The following TOX2 variants were observed in gnomAD, a reference collection of about 807,000 sequenced individuals.
The protein encoded by TOX2 is TOX high mobility group box family member 2, also known as granulosa cell HMG box 1.
In TOX2, 15 loss-of-function variants were observed where a neutral mutation model predicts 47.4. The observed-to-expected ratio is 0.32, with a 90% CI of 0.21 to 0.49. The LOEUF is 0.49. TOX2 is among the 20% of genes least tolerant of loss of function. The probability of loss-of-function intolerance (pLI) is 0.99; values close to 1 mark genes in which losing one functional copy is unlikely to be tolerated. For synonymous variants in TOX2, 290 were observed against 296.6 expected, an observed-to-expected ratio of 0.98 and a Z score of 0.23; for missense variants, 622 against 673.1, an observed-to-expected ratio of 0.92 and a Z score of 0.84.
chr20:43,939,162 T>C (rs1483706287), intron 1 of TOX2, among the ~76,000 whole-genome samples: 2 of 152,176 alleles, frequency 1.3e-5, no homozygotes, highest in African/African-American at 4.8e-5. Flanking sequence ...AGCATAGTGG[T>C]GCTGTGCATG....
At chr20:44,032,562 C>T (rs2071173327) in intron 3 of TOX2, among the ~76,000 whole-genome samples, 2 of 152,016 alleles carry the variant, frequency 1.3e-5, no homozygotes, top group Admixed American at 6.6e-5. Flanking sequence ...AGAGAGGTGC[C>T]AGGTGGTGGT....
At chr20:43,927,458 A>AACTAACAC (rs1345762660) in intron 1 of TOX2, among the ~76,000 whole-genome samples, 6 of 131,382 alleles carry the variant, frequency 4.6e-5, no homozygotes, top group Admixed American at 3.8e-4. Context: ...TGATCTATAT[A>AACTAACAC]ACACACACAC....
Position 44,066,763 on chromosome 20 carries a change from T to A in TOX2, c.1390T>A (p.Ser464Thr), listed in dbSNP as rs1339611578. The A allele has an allele frequency of 3.1e-6, 5 of 1,614,082 alleles. No individual in the cohort carries two copies. Among genetic ancestry groups the A allele is most frequent in the Non-Finnish European group, 4.2e-6 (5 of 1,180,008 alleles). ...GCACATCTCTGAGTTCCCCAGCAGC[T>A]CGGGATCCTGCTCACCTGGCCCATC... ...FPHISEFPSS[S>T]GSCSPGPSNP... Residue 464 changes from serine to threonine, a missense_variant, in exon 8 of 9, where the codon TCG becomes ACG. By Grantham distance (58) the Ser-to-Thr change is moderately conservative. This residue lies in a region of TOX2 where 294 missense variants were observed against 300.0 expected (regional missense o/e 0.98). Transcript: ENST00000341197.
intron 3 of TOX2, chr20:44,039,190 G>T (rs1001099787): frequency 7.1e-6 from 9 of 1,276,150 alleles, no homozygotes; most frequent in South Asian, 1.2e-5. Context: ...AGAGGATGGA[G>T]CAGGAGAGGG....
chr20:43,998,598 TTAG>T (rs1433950387), intron 2 of TOX2, among the ~76,000 whole-genome samples: 1 of 152,208 alleles, frequency 6.6e-6, no homozygotes, highest in Admixed American at 6.5e-5. Flanking sequence ...TCATTTCTTC[TTAG>T]TAGATTTATA....
Position 44,068,867 on chromosome 20 carries a change from C to A in TOX2, c.*181C>A. 1 of 813,730 alleles carries A rather than the reference C, an allele frequency of 1.2e-6. No homozygotes were observed. The highest frequency in any genetic ancestry group is 2.1e-6 in the Non-Finnish European group (1 of 476,218). The allele number at this position is 813,730 out of a possible 1,614,324, so 50.4% of individuals were successfully genotyped here. ...TCCCACCAGACTCTGCAGAGGCAGC[C>A]CACTGCCCACCACCAGCCCAAAGAA... On this transcript the variant is annotated 3_prime_UTR_variant, in exon 9 of 9. Coordinates refer to ENST00000341197, the MANE Select transcript of TOX2 (RefSeq NM_001098797.2).
rs1375272233 is a variant in TOX2 at position 44,017,588 on chromosome 20, T to G, written c.411+10796T>G. On this transcript the variant is annotated intron_variant, in intron 3 of 8. Coordinates refer to ENST00000341197, the MANE Select transcript of TOX2 (RefSeq NM_001098797.2). The stretch of plus-strand genomic sequence containing the variant: ...TTGGAGGTCAAGAACCACACCTTAT[T>G]TGACCTTGTATCCTCTCAGTGAACT... Among the ~76,000 whole-genome samples, 4 of 152,192 alleles carry G rather than the reference T, an allele frequency of 2.6e-5. No homozygotes were observed. The East Asian group carries it at 7.7e-4, about 29-fold the overall frequency.
At chr20:43,990,603 G>A (rs1157062282) in intron 2 of TOX2, among the ~76,000 whole-genome samples, 1 of 152,240 alleles carries the variant, frequency 6.6e-6, no homozygotes, top group Non-Finnish European at 1.5e-5. Flanking sequence ...ACAGAATGCA[G>A]TGTTTGGGGG....
chr20:44,025,791 T>G (rs1056494361), intron 3 of TOX2, among the ~76,000 whole-genome samples: 2 of 151,814 alleles, frequency 1.3e-5, no homozygotes, highest in African/African-American at 4.8e-5. Flanking sequence ...AGATTCCAGC[T>G]CAAGCCCCAG....
chr20:43,934,527 G>T (rs1200390776), intron 1 of TOX2, among the ~76,000 whole-genome samples: 2 of 152,086 alleles, frequency 1.3e-5, no homozygotes, highest in African/African-American at 4.8e-5. Context: ...TAGGGAGGGG[G>T]TGTGTGGAAA....
At chr20:43,939,534 G>A (rs2069373782) in intron 1 of TOX2, among the ~76,000 whole-genome samples, 1 of 152,198 alleles carries the variant, frequency 6.6e-6, no homozygotes, top group African/African-American at 2.4e-5. Flanking sequence ...CGGATGCCAA[G>A]ACTAGTGAGG....
At chr20:43,943,647 AC>A (rs1451574251) in intron 1 of TOX2, among the ~76,000 whole-genome samples, 2 of 152,188 alleles carry the variant, frequency 1.3e-5, no homozygotes, top group Non-Finnish European at 2.9e-5. Flanking sequence ...AGAGGGAACA[AC>A]AAAAAAAAAG....
chr20:43,929,525 C>G (rs754267315), intron 1 of TOX2, among the ~76,000 whole-genome samples: 4 of 152,074 alleles, frequency 2.6e-5, no homozygotes, highest in Non-Finnish European at 5.9e-5. Flanking sequence ...GCTTGAGGGG[C>G]TTTGCACATG....
chr20:43,927,238 C>A (rs1028303619), intron 1 of TOX2, among the ~76,000 whole-genome samples: 1 of 152,160 alleles, frequency 6.6e-6, no homozygotes, highest in Non-Finnish European at 1.5e-5. Flanking sequence ...ACATAGTTAA[C>A]GTCCCACTTT....
chr20:44,062,619 A>G (rs1160857636), intron 5 of TOX2, among the ~76,000 whole-genome samples: 1 of 152,156 alleles, frequency 6.6e-6, no homozygotes, highest in East Asian at 1.9e-4. Context: ...CACCACCAAC[A>G]TTCTTCACAG....
chr20:43,918,744 G>A (rs766230838), intron 1 of TOX2, among the ~76,000 whole-genome samples: 1 of 152,100 alleles, frequency 6.6e-6, no homozygotes, highest in Admixed American at 6.5e-5. Context: ...ACCTGCAGGT[G>A]GACATTTGGG....
intron 3 of TOX2, among the ~76,000 whole-genome samples, chr20:44,043,516 C>G (rs1366156354): frequency 2.0e-5 from 3 of 152,154 alleles, no homozygotes; most frequent in African/African-American, 7.2e-5. Flanking sequence ...CTGTATGTGT[C>G]CTTCTGAAAC....
At chr20:43,974,787 A>C (rs1015986292) in intron 2 of TOX2, among the ~76,000 whole-genome samples, 9 of 152,376 alleles carry the variant, frequency 5.9e-5, no homozygotes, top group African/African-American at 2.2e-4. Flanking sequence ...CTGTAGTCTC[A>C]GTGGGGCATG....
intron 4 of TOX2, among the ~76,000 whole-genome samples, chr20:44,052,508 G>T: frequency 6.6e-6 from 1 of 152,242 alleles, no homozygotes; most frequent in South Asian, 2.1e-4. Flanking sequence ...CCTGGACTTT[G>T]GGGGAAGAGG....
Sources: allele counts gnomAD v4.1 joint callset (sites outside exome capture counted in the v4.1 genomes callset), GRCh38; gene constraint gnomAD v4.1.1; regional missense constraint gnomAD v4.1.1; transcripts MANE v1.5; gene names NCBI Gene and HGNC (gene_info 2026-07-23, HGNC 2026-07-21).